ECHDC3: variants seen among roughly 807,000 people sequenced by gnomAD.
ECHDC3 encodes enoyl-CoA hydratase domain containing 3.
A neutral mutation model predicts 17.9 loss-of-function variants in ECHDC3; 20 were observed. That is an observed-to-expected ratio of 1.12 (90% CI 0.79 to 1.63). The LOEUF (loss-of-function observed/expected upper bound fraction) is 1.63. Ranked by LOEUF, ECHDC3 falls within the 40% of genes most tolerant of loss-of-function variation. The probability of loss-of-function intolerance (pLI) is 0.00; values close to 1 mark genes in which losing one functional copy is unlikely to be tolerated. For missense variants in ECHDC3, 407 were observed against 357.7 expected (o/e 1.14, Z -1.11); for synonymous variants, 177 against 149.7 (o/e 1.18, Z -1.33).
intron 3 of ECHDC3, among the ~76,000 whole-genome samples, chr10:11,754,365 A>G (rs1832862023): frequency 6.6e-6 from 1 of 152,148 alleles, no homozygotes; most frequent in Admixed American, 6.5e-5. Flanking sequence ...TTACCATAGC[A>G]ACACACTCTG....
intron 2 of ECHDC3, among the ~76,000 whole-genome samples, chr10:11,749,292 T>TA (rs1368187615): frequency 6.6e-6 from 1 of 152,204 alleles, no homozygotes. Context: ...ACCTAAAAAA[T>TA]GCCTCGCCTT....
At chr10:11,747,491 C>G (rs374427322) in intron 2 of ECHDC3, 21 bp downstream of exon 2, 15 of 1,612,144 alleles carry the variant, frequency 9.3e-6, no homozygotes, top group Middle Eastern at 3.3e-4. Flanking sequence ...GATATCTGTC[C>G]TTAGTATTCT....
chr10:11,746,144 A>G (rs1832756380), intron 1 of ECHDC3, among the ~76,000 whole-genome samples: 1 of 152,090 alleles, frequency 6.6e-6, no homozygotes. Flanking sequence ...CCTGGCCAAC[A>G]TGGTGAAACC....
Position 11,763,082 on chromosome 10 carries a change from G to A in ECHDC3, c.592-142G>A. On this transcript the variant is annotated intron_variant, in intron 4 of 4. Coordinates refer to ENST00000379215, the MANE Select transcript of ECHDC3 (RefSeq NM_024693.5). This position sits in a 1 kb window ranked among gnomAD's most constrained non-coding sequence, Gnocchi z 4.9. The stretch of plus-strand genomic sequence containing the variant: ...TTGGAAAGATCCGCTCTCCTCCCGG[G>A]CAGGAGTTAGGGCACTGAAGACGTC... 1.7e-6 allele frequency: 1 copy of A among 603,394 alleles called. No homozygotes were observed. Among genetic ancestry groups the A allele is most frequent in the Non-Finnish European group, 3.0e-6 (1 of 336,810 alleles). 37.4% of individuals were successfully genotyped at this position (603,394 alleles called of 1,614,324 possible). A position where few individuals can be genotyped will look rare whatever the true frequency, so the allele number is the denominator to read the frequency against.
intron 1 of ECHDC3, among the ~76,000 whole-genome samples, chr10:11,745,648 A>G (rs7082332): frequency 0.93 from 142,096 of 152,290 alleles, 67,143 homozygotes; most frequent in East Asian, 1. Context: ...ACAGAATACT[A>G]TTTATGGAGG....
At chr10:11,747,190 A>G (rs1286546958) in intron 1 of ECHDC3, 159 bp from the exon 2 acceptor site, 1 of 870,782 alleles carries the variant, frequency 1.1e-6, no homozygotes, top group Non-Finnish European at 1.6e-6. Flanking sequence ...ACTTGGCTGT[A>G]ACTCCAGAGA....
rs538069408 is a variant in ECHDC3, at chr10:11,757,930, A to G, written c.591+2322A>G. 3.3e-5 allele frequency among the ~76,000 whole-genome samples: 5 copies of G among 152,308 alleles called. No individual in the cohort carries two copies. The South Asian group carries it at 8.3e-4, about 25-fold the overall frequency. On this transcript the variant is annotated intron_variant, in intron 4 of 4. Coordinates refer to ENST00000379215, the MANE Select transcript of ECHDC3 (RefSeq NM_024693.5). ...CCCGTTGTCTTTGCTGATTGTGCGC[A>G]TGTGAACCCATCCACGGACATCCAT... is the stretch of plus-strand genomic sequence containing the variant.
chr10:11,757,039 C>G (rs764046489), intron 4 of ECHDC3, among the ~76,000 whole-genome samples: 4 of 152,178 alleles, frequency 2.6e-5, no homozygotes, highest in Non-Finnish European at 5.9e-5. Context: ...CTGGCCCATT[C>G]AGTAAATATT....
chr10:11,748,811 G>A lies in ECHDC3; in HGVS notation c.293-684G>A, dbSNP rs1472984242. Among the ~76,000 whole-genome samples, 5 of 152,286 alleles carry A rather than the reference G, an allele frequency of 3.3e-5. No homozygotes were observed. The East Asian group carries it at 7.7e-4, about 24-fold the overall frequency. ...TAAGGCACAAGAATTGCTTGAACCTGGGAGGCAGAGGTTGCAGTGAGCCGA... is the reference window on the plus strand; with the variant it reads ...TAAGGCACAAGAATTGCTTGAACCTAGGAGGCAGAGGTTGCAGTGAGCCGA... On this transcript the variant is annotated intron_variant, in intron 2 of 4. Coordinates refer to ENST00000379215, the MANE Select transcript of ECHDC3 (RefSeq NM_024693.5).
intron 3 of ECHDC3, among the ~76,000 whole-genome samples, chr10:11,750,777 T>C (rs1832814396): frequency 6.6e-6 from 1 of 151,856 alleles, no homozygotes; most frequent in South Asian, 2.1e-4. Context: ...AATTTTTTAT[T>C]CATTCATTGA....
chr10:11,749,436 G>A (rs562037117), intron 2 of ECHDC3, 59 bp from the exon 3 acceptor site: 10 of 1,566,080 alleles, frequency 6.4e-6, no homozygotes, highest in Non-Finnish European at 8.8e-6. Context: ...GGAACTAACT[G>A]CCCAACTCTG....
intron 1 of ECHDC3, among the ~76,000 whole-genome samples, chr10:11,743,443 C>T (rs550521998): frequency 1.3e-5 from 2 of 152,360 alleles, no homozygotes; most frequent in South Asian, 2.1e-4. Flanking sequence ...CAGGTGGTTC[C>T]CCGCAGGGGT....
intron 1 of ECHDC3, among the ~76,000 whole-genome samples, chr10:11,745,293 CTT>C (rs1226766148): frequency 6.6e-6 from 1 of 152,132 alleles, no homozygotes; most frequent in Non-Finnish European, 1.5e-5. Flanking sequence ...GGGCTGGAAT[CTT>C]TTTATACAAT....
chr10:11,759,521 C>T (rs1365091746), intron 4 of ECHDC3, among the ~76,000 whole-genome samples: 3 of 152,170 alleles, frequency 2.0e-5, no homozygotes, highest in African/African-American at 7.2e-5. Flanking sequence ...CTCCAGCCTC[C>T]AGAACTTGTG....
At chr10:11,757,837 T>C (rs1832900706) in intron 4 of ECHDC3, among the ~76,000 whole-genome samples, 2 of 152,192 alleles carry the variant, frequency 1.3e-5, no homozygotes, top group Admixed American at 6.5e-5. Context: ...GATCTAATTG[T>C]GTGGGCCTGC....
At chr10:11,749,360 C>T in intron 2 of ECHDC3, 135 bp from the exon 3 acceptor site, 1 of 740,930 alleles carries the variant, frequency 1.3e-6, no homozygotes, top group South Asian at 2.0e-5. Flanking sequence ...AATTATTCTT[C>T]TCAAAATTAG....
intron 4 of ECHDC3, among the ~76,000 whole-genome samples, chr10:11,762,051 A>G (rs1044498402): frequency 2.8e-5 from 4 of 141,324 alleles, no homozygotes; most frequent in Non-Finnish European, 4.6e-5. Context: ...TGCGTAATAT[A>G]GTGAGACCCC....
chr10:11,748,749 G>C (rs979149085), intron 2 of ECHDC3, among the ~76,000 whole-genome samples: 2 of 152,108 alleles, frequency 1.3e-5, no homozygotes, highest in African/African-American at 4.8e-5. Flanking sequence ...AGCTGGGCGT[G>C]GGGGCAGGCA....
At position 11,742,638 on chromosome 10, in the gene ECHDC3, G is replaced by A; in HGVS notation, c.62G>A (p.Gly21Asp). ...AGTGGGCCCATGTGTCTCCGGCGCG[G>A]CCCCTGGGCCCAGCTCCCCGCCCGC... The part of the protein sequence containing the change: ...GASGPMCLRR[G>D]PWAQLPARFC... Residue 21 changes from glycine (G) to aspartate (D), a missense_variant, in exon 1 of 5, where the codon GGC becomes GAC. By Grantham distance (94) the Gly-to-Asp change is moderately conservative. Transcript: ENST00000379215. The A allele has an allele frequency of 7.9e-7, 1 of 1,262,800 alleles. No individual in the cohort carries two copies. Among genetic ancestry groups the A allele is most frequent in the Non-Finnish European group, 9.9e-7 (1 of 1,005,126 alleles). The allele number at this position is 1,262,800 out of a possible 1,614,324, so 78.2% of individuals were successfully genotyped here. A position where few individuals can be genotyped will look rare whatever the true frequency, so the allele number is the denominator to read the frequency against.
Sources: gnomAD v4.1 joint callset for allele counts (sites outside exome capture counted in the v4.1 genomes callset) on GRCh38, gnomAD v4.1.1 for gene constraint, Gnocchi (gnomAD v3.1) non-coding constraint, MANE v1.5 for transcripts, NCBI Gene and HGNC (gene_info 2026-07-23, HGNC 2026-07-21) for gene names.